ADGRB2: variants seen among roughly 807,000 people sequenced by gnomAD.
ADGRB2 encodes adhesion G protein-coupled receptor B2.
ADGRB2 carries 47 observed loss-of-function variants against 178.7 expected under a neutral mutation model. The ratio of observed to expected loss-of-function variants is 0.26; its 90% CI spans 0.21 to 0.34. The LOEUF (loss-of-function observed/expected upper bound fraction) is 0.34, where lower values mean the gene tolerates loss of function less well. Among genes scored for constraint, ADGRB2 ranks in the 10% least tolerant of loss-of-function variants. The probability of loss-of-function intolerance (pLI) is 1.00; values close to 1 mark genes in which losing one functional copy is unlikely to be tolerated. For missense variants in ADGRB2, 1,584 were observed against 2,180.8 expected, an observed-to-expected ratio of 0.73 and a Z score of 5.45; for synonymous variants, 870 against 912.4, an observed-to-expected ratio of 0.95 and a Z score of 0.84.
In ADGRB2 at chr1:31,758,284, G is replaced by A. The variant is rs1055008193; in HGVS notation, c.-190-773C>T. On this transcript the variant is annotated intron_variant, in intron 1 of 32. Coordinates refer to ENST00000373658, the MANE Select transcript of ADGRB2 (RefSeq NM_001364857.2). The surrounding 1 kb of genome is among the most constrained non-coding windows in gnomAD (Gnocchi z 4.2). The stretch of plus-strand genomic sequence containing the variant: ...CAGATCACACAAAGGTGGCCACAGA[G>A]GACGCAAGCCCAGGATCTGAGGCCC... Among the ~76,000 whole-genome samples, 36 of 152,310 alleles carry A rather than the reference G, an allele frequency of 2.4e-4. No homozygotes were observed. The highest frequency in any genetic ancestry group is 7.9e-4 in the African/African-American group (33 of 41,562).
At position 31,727,940 on chromosome 1, in the gene ADGRB2, TG is replaced by T; in HGVS notation, c.4572+84del. 6.8e-7 allele frequency: 1 copy of T among 1,466,108 alleles called. No individual in the cohort carries two copies. Among genetic ancestry groups the T allele is most frequent in the Non-Finnish European group, 9.1e-7 (1 of 1,099,114 alleles). The allele number at this position is 1,466,108 out of a possible 1,614,324, so 90.8% of individuals were successfully genotyped here. ...GGGGGAGGCCCTTGGTGAGACAGGC[TG>T]GGGTTGCCTGGGAGGGGCAGGAGGG... On this transcript the variant is annotated intron_variant, in intron 32 of 32. Coordinates refer to ENST00000373658, the MANE Select transcript of ADGRB2 (RefSeq NM_001364857.2). The surrounding 1 kb of genome is among the most constrained non-coding windows in gnomAD (Gnocchi z 4.4).
chr1:31,735,216 G>C lies in ADGRB2; in HGVS notation c.3419C>G (p.Pro1140Arg). Residue 1140 changes from proline to arginine, a missense_variant, in exon 25 of 33, where the codon CCC (proline) becomes CGC (arginine). Physicochemically the swap from Pro to Arg is moderately radical, Grantham distance 103 (BLOSUM62 -2). This residue lies in a region of ADGRB2 where 865 missense variants were observed against 1,192.8 expected (regional missense o/e 0.73). Transcript: ENST00000373658. The surrounding 1 kb of genome is among the most constrained non-coding windows in gnomAD (Gnocchi z 6.0). The stretch of plus-strand genomic sequence containing the variant: ...CCTGGCCGAGGCTGAGCTGAGCAGG[G>C]GGCTGGGGACCGCTCCACACGCTGA... ...PCSACGAVPS[P>R]LLSSASARNA... The C allele has an allele frequency of 6.9e-7, 1 of 1,456,844 alleles. No individual in the cohort carries two copies. The highest frequency in any genetic ancestry group is 9.1e-7 in the Non-Finnish European group (1 of 1,100,458). The allele number at this position is 1,456,844 out of a possible 1,614,324, so 90.2% of individuals were successfully genotyped here.
chr1:31,740,133 C>T lies in ADGRB2; in HGVS notation c.2035G>A (p.Glu679Lys). The T allele has an allele frequency of 6.2e-7, 1 of 1,614,148 alleles. No individual in the cohort carries two copies. The highest frequency in any genetic ancestry group is 8.5e-7 in the Non-Finnish European group (1 of 1,180,020). ...ACCTGCTGAGCATCGTCCCACTTCT[C>T]CTTGTTTTCCGCATCCACCATGAAG... Reference protein sequence around the residue: ...VSFMVDAENKEKWDDAQQVSP... With the variant: ...VSFMVDAENKKKWDDAQQVSP... Residue 679 changes from glutamate to lysine, a missense_variant, in exon 13 of 33, where the codon GAG becomes AAG. Transcript: ENST00000373658. This position sits in a 1 kb window ranked among gnomAD's most constrained non-coding sequence, Gnocchi z 5.9.
Position 31,741,322 on chromosome 1 carries a change from CA to C in ADGRB2, c.1794+50del, listed in dbSNP as rs771085433. On this transcript the variant is annotated intron_variant, in intron 11 of 32. Coordinates refer to ENST00000373658, the MANE Select transcript of ADGRB2 (RefSeq NM_001364857.2). The surrounding 1 kb of genome is among the most constrained non-coding windows in gnomAD (Gnocchi z 6.5). Reference sequence around the variant, plus strand: ...GAATCACGCTCCCTCCACCCCCTAGCAGAGTCTGAGACAGATTCTGCTGTGC... The same window carrying C: ...GAATCACGCTCCCTCCACCCCCTAGCGAGTCTGAGACAGATTCTGCTGTGC... 1 of 1,529,198 alleles carries C rather than the reference CA, an allele frequency of 6.5e-7. No homozygotes were observed. Among genetic ancestry groups the C allele is most frequent in the South Asian group, 1.2e-5 (1 of 84,062 alleles). 94.7% of individuals were successfully genotyped at this position (1,529,198 alleles called of 1,614,324 possible).
rs748198072 is a variant in ADGRB2, at chr1:31,728,024, C to T, written c.4572+1G>A. ...ACCCCACCCAGCCCGGGGGGACTCACGGTGCACACGCTCCGCTCGGCTGCC... is the reference window on the plus strand; with the variant it reads ...ACCCCACCCAGCCCGGGGGGACTCATGGTGCACACGCTCCGCTCGGCTGCC... On this transcript the variant is annotated splice_donor_variant, in intron 32 of 32. Coordinates refer to ENST00000373658, the MANE Select transcript of ADGRB2 (RefSeq NM_001364857.2). LOFTEE classifies it high-confidence loss of function. The surrounding 1 kb of genome is among the most constrained non-coding windows in gnomAD (Gnocchi z 6.7). 33 of 1,563,664 alleles carry T rather than the reference C, an allele frequency of 2.1e-5. No homozygotes were observed. Among genetic ancestry groups the T allele is most frequent in the Non-Finnish European group, 2.6e-5 (30 of 1,159,180 alleles).
At position 31,727,333 on chromosome 1, in the gene ADGRB2, G is replaced by A; in HGVS notation, c.*87C>T. Reference sequence around the variant, plus strand: ...GCCCAGCCCTCGGGAGAGGGGAGAGGGCGCTGGCTCCTGGGTAGTTCCAAA... The same window carrying A: ...GCCCAGCCCTCGGGAGAGGGGAGAGAGCGCTGGCTCCTGGGTAGTTCCAAA... On this transcript the variant is annotated 3_prime_UTR_variant, in exon 33 of 33. Coordinates refer to ENST00000373658, the MANE Select transcript of ADGRB2 (RefSeq NM_001364857.2). The surrounding 1 kb of genome is among the most constrained non-coding windows in gnomAD (Gnocchi z 4.4). 1 of 1,432,660 alleles carries A rather than the reference G, an allele frequency of 7.0e-7. No homozygotes were observed. The highest frequency in any genetic ancestry group is 9.2e-7 in the Non-Finnish European group (1 of 1,092,012). 88.7% of individuals were successfully genotyped at this position (1,432,660 alleles called of 1,614,324 possible).
chr1:31,735,403 G>T lies in ADGRB2; in HGVS notation c.3354-122C>A. On this transcript the variant is annotated intron_variant, in intron 24 of 32. Coordinates refer to ENST00000373658, the MANE Select transcript of ADGRB2 (RefSeq NM_001364857.2). This position sits in a 1 kb window ranked among gnomAD's most constrained non-coding sequence, Gnocchi z 6.0. The stretch of plus-strand genomic sequence containing the variant: ...AGACGAGAGAGAGAGAGCTGGGTTA[G>T]GGTGGGTGAGGGGCTGCGGCTGAGC... The T allele has an allele frequency of 1.7e-6, 2 of 1,198,422 alleles. No individual in the cohort carries two copies. Among genetic ancestry groups the T allele is most frequent in the Non-Finnish European group, 2.4e-6 (2 of 836,268 alleles). The allele number at this position is 1,198,422 out of a possible 1,614,324, so 74.2% of individuals were successfully genotyped here.
In ADGRB2 at chr1:31,741,283, G is replaced by A. The variant is rs368962585; in HGVS notation, c.1794+90C>T. On this transcript the variant is annotated intron_variant, in intron 11 of 32. Coordinates refer to ENST00000373658, the MANE Select transcript of ADGRB2 (RefSeq NM_001364857.2). The surrounding 1 kb of genome is among the most constrained non-coding windows in gnomAD (Gnocchi z 6.5). ...GTGGGCACAGCATATGCCAAGGCAC[G>A]TGGGAACGAGCGAGAATCACGCTCC... The A allele has an allele frequency of 3.7e-5, 50 of 1,353,952 alleles. No individual in the cohort carries two copies. Among genetic ancestry groups the A allele is most frequent in the African/African-American group, 2.9e-4 (20 of 69,096 alleles). The allele number at this position is 1,353,952 out of a possible 1,614,324, so 83.9% of individuals were successfully genotyped here.
chr1:31,760,068 C>G (rs1170006224), intron 1 of ADGRB2, among the ~76,000 whole-genome samples: 4 of 152,192 alleles, frequency 2.6e-5, no homozygotes, highest in Non-Finnish European at 5.9e-5. Context: ...AGGTACAGGG[C>G]ACTGCCTCTG....
At position 31,738,610 on chromosome 1, in the gene ADGRB2, G is replaced by A. The variant is rs145611611; in HGVS notation, c.2622C>T (p.Cys874=). ...ACGCTCTGGAGTAGTCCCAGCTGGCGCAATGGGGATCCGTGGTCCCCTGGG... is the reference window on the plus strand; with the variant it reads ...ACGCTCTGGAGTAGTCCCAGCTGGCACAATGGGGATCCGTGGTCCCCTGGG... ...YIINGTTDPH[C]ASWDYSRADA... Residue 874 remains cysteine, a synonymous_variant, in exon 17 of 33, where the codon TGC becomes TGT. Coordinates refer to ENST00000373658, the MANE Select transcript of ADGRB2 (RefSeq NM_001364857.2). The A allele has an allele frequency of 8.1e-6, 13 of 1,611,428 alleles. No homozygotes were observed. The South Asian group carries it at 8.8e-5, about 11-fold the overall frequency.
At chr1:31,734,334 CCA>C (rs1207934685) in intron 25 of ADGRB2, among the ~76,000 whole-genome samples, 3 of 152,154 alleles carry the variant, frequency 2.0e-5, no homozygotes, top group African/African-American at 7.2e-5. Context: ...TGGAGTGAGC[CCA>C]GCTGGGCAGG....
At chr1:31,737,334 C>T (rs1645670264) in intron 20 of ADGRB2, 95 bp downstream of exon 20, 2 of 1,177,974 alleles carry the variant, frequency 1.7e-6, no homozygotes, top group Non-Finnish European at 2.5e-6. Flanking sequence ...TACACCACCA[C>T]TAATGGACGT....
At position 31,741,321 on chromosome 1, in the gene ADGRB2, G is replaced by A; in HGVS notation, c.1794+52C>T. On this transcript the variant is annotated intron_variant, in intron 11 of 32. Transcript: ENST00000373658. The surrounding 1 kb of genome is among the most constrained non-coding windows in gnomAD (Gnocchi z 6.5). The stretch of plus-strand genomic sequence containing the variant: ...AGAATCACGCTCCCTCCACCCCCTA[G>A]CAGAGTCTGAGACAGATTCTGCTGT... The A allele has an allele frequency of 6.6e-7, 1 of 1,524,900 alleles. No individual in the cohort carries two copies. Among genetic ancestry groups the A allele is most frequent in the Non-Finnish European group, 8.9e-7 (1 of 1,120,224 alleles). The allele number at this position is 1,524,900 out of a possible 1,614,324, so 94.5% of individuals were successfully genotyped here.
intron 1 of ADGRB2, 48 bp from the exon 2 acceptor site, chr1:31,757,559 T>C: frequency 3.3e-6 from 1 of 306,040 alleles, no homozygotes. Context: ...ACATTGGGCT[T>C]GAGCCCCAAC....
rs2149083556 is a variant in ADGRB2 at position 31,763,921 on chromosome 1, G to A, written c.-228C>T. The A allele has an allele frequency of 1.0e-6, 1 of 985,738 alleles. No homozygotes were observed. Among genetic ancestry groups the A allele is most frequent in the East Asian group, 1.1e-4 (1 of 8,784 alleles). 61.1% of individuals were successfully genotyped at this position (985,738 alleles called of 1,614,324 possible). On this transcript the variant is annotated 5_prime_UTR_variant, in exon 1 of 33. Coordinates refer to ENST00000373658, the MANE Select transcript of ADGRB2 (RefSeq NM_001364857.2). ...AGCAGCAGGAGCGGGGGCCGGCGCT[G>A]GCGGGGGCGGCCACGGGGCGCAAGT...
intron 26 of ADGRB2, 101 bp from the exon 27 acceptor site, chr1:31,732,713 A>C (rs1645355455): frequency 2.2e-6 from 3 of 1,358,096 alleles, no homozygotes; most frequent in Admixed American, 2.0e-5. Context: ...GTGTAGAAGG[A>C]AGGCAACACA....
intron 4 of ADGRB2, among the ~76,000 whole-genome samples, chr1:31,751,505 A>G (rs2149027933): frequency 6.6e-6 from 1 of 152,364 alleles, no homozygotes; most frequent in South Asian, 2.1e-4. Context: ...AAGCCTGTGC[A>G]GTTCCAGACT....
intron 29 of ADGRB2, 82 bp downstream of exon 29, chr1:31,730,718 G>A: frequency 1.4e-6 from 2 of 1,393,712 alleles, no homozygotes; most frequent in Non-Finnish European, 1.9e-6. Context: ...CCGCTCTGGG[G>A]AGGATGAGGC....
chr1:31,731,541 G>T, intron 28 of ADGRB2, 122 bp from the exon 29 acceptor site: 1 of 1,241,858 alleles, frequency 8.1e-7, no homozygotes. Flanking sequence ...CTGGGTCCTG[G>T]AGAGATGGCT....
Sources: allele counts gnomAD v4.1 joint callset (sites outside exome capture counted in the v4.1 genomes callset), GRCh38; gene constraint gnomAD v4.1.1; regional missense constraint gnomAD v4.1.1; non-coding constraint Gnocchi (gnomAD v3.1); transcripts MANE v1.5; gene names NCBI Gene and HGNC (gene_info 2026-07-23, HGNC 2026-07-21).